FAM177A1: variants seen among roughly 807,000 people sequenced by gnomAD.
FAM177A1 encodes the protein family with sequence similarity 177 member A1, also known as protein FAM177A1.
In FAM177A1, 22 loss-of-function variants were observed where a neutral mutation model predicts 26.1. The ratio of observed to expected loss-of-function variants is 0.84; its 90% CI spans 0.60 to 1.20. The LOEUF (loss-of-function observed/expected upper bound fraction) is 1.20. Ranked by LOEUF, FAM177A1 falls within the 50% of genes most tolerant of loss-of-function variation. The probability of loss-of-function intolerance (pLI) is 0.00; values close to 1 mark genes in which losing one functional copy is unlikely to be tolerated. For synonymous variants in FAM177A1, 95 were observed against 99.3 expected (o/e 0.96, Z 0.26); for missense variants, 296 against 291.1 (o/e 1.02, Z -0.12).
At chr14:35,078,074 T>C (rs1443478684) in intron 3 of FAM177A1, among the ~76,000 whole-genome samples, 1 of 152,202 alleles carries the variant, frequency 6.6e-6, no homozygotes, top group Non-Finnish European at 1.5e-5. Context: ...TTTATCACTT[T>C]CTGCATTTTA....
chr14:35,052,558 A>G (rs993362105), intron 1 of FAM177A1, among the ~76,000 whole-genome samples: 3 of 152,056 alleles, frequency 2.0e-5, no homozygotes, highest in Admixed American at 2.0e-4. Flanking sequence ...GAGGACAATG[A>G]AAAGAAGCTC....
At position 35,078,944 on chromosome 14, in the gene FAM177A1, GAGA is replaced by G; in HGVS notation, c.428_430del (p.Lys143del). 6.5e-7 allele frequency: 1 copy of G among 1,542,474 alleles called. No homozygotes were observed. The highest frequency in any genetic ancestry group is 8.6e-7 in the Non-Finnish European group (1 of 1,157,014). ...ATTTTCAGTGTGTGACTTCCTTGGA[GAGA>G]AGATTGCATCTGTTTTGGGTATCAG... On this transcript the variant is annotated inframe_deletion, in exon 4 of 5. Transcript: ENST00000280987.
chr14:35,064,924 C>G (rs1245599234), intron 2 of FAM177A1, among the ~76,000 whole-genome samples: 1 of 152,110 alleles, frequency 6.6e-6, no homozygotes, highest in Non-Finnish European at 1.5e-5. Flanking sequence ...AGTGCAATCC[C>G]AAAGTGTAAT....
chr14:35,067,874 T>G (rs564671309), intron 2 of FAM177A1, among the ~76,000 whole-genome samples: 55 of 152,344 alleles, frequency 3.6e-4, no homozygotes, highest in Non-Finnish European at 5.6e-4. Flanking sequence ...TTAATTAGGT[T>G]GTTTTTTTGC....
chr14:35,068,235 A>G (rs2045268422), intron 2 of FAM177A1, among the ~76,000 whole-genome samples: 2 of 152,234 alleles, frequency 1.3e-5, no homozygotes, highest in African/African-American at 2.4e-5. Flanking sequence ...AATCTTTTAC[A>G]TGGTGGAGTA....
intron 2 of FAM177A1, among the ~76,000 whole-genome samples, chr14:35,062,590 T>C (rs965104243): frequency 6.6e-6 from 1 of 152,128 alleles, no homozygotes; most frequent in Non-Finnish European, 1.5e-5. Context: ...CACCTACCTG[T>C]AGTTGTTTTT....
intron 3 of FAM177A1, 38 bp from the exon 4 acceptor site, chr14:35,078,889 A>G (rs2045436635): frequency 1.4e-6 from 2 of 1,413,118 alleles, no homozygotes; most frequent in South Asian, 1.6e-5. Flanking sequence ...AGAAATGTTT[A>G]TAGAATTATA....
chr14:35,063,721 T>C (rs376885580), intron 2 of FAM177A1, among the ~76,000 whole-genome samples: 3 of 152,260 alleles, frequency 2.0e-5, no homozygotes, highest in South Asian at 4.1e-4. Flanking sequence ...TTTTGAAATA[T>C]CAAGTTTAAA....
intron 2 of FAM177A1, among the ~76,000 whole-genome samples, chr14:35,058,127 G>T (rs1023044784): frequency 1.3e-5 from 2 of 152,018 alleles, no homozygotes; most frequent in Non-Finnish European, 2.9e-5. Flanking sequence ...AGGCTGGAGT[G>T]CAGTGACACG....
chr14:35,080,914 T>G, intron 4 of FAM177A1, 108 bp from the exon 5 acceptor site: 12 of 501,668 alleles, frequency 2.4e-5, no homozygotes, highest in Non-Finnish European at 3.3e-5. Flanking sequence ...ACATGACACT[T>G]TTTTTTTTTT....
At chr14:35,052,430 C>T (rs964762596) in intron 1 of FAM177A1, among the ~76,000 whole-genome samples, 3 of 151,956 alleles carry the variant, frequency 2.0e-5, no homozygotes, top group East Asian at 3.9e-4. Flanking sequence ...ACCGTGGTCT[C>T]GATCTCCTGA....
chr14:35,070,358 C>T (rs938437114), intron 2 of FAM177A1, among the ~76,000 whole-genome samples: 1 of 149,332 alleles, frequency 6.7e-6, no homozygotes, highest in Non-Finnish European at 1.5e-5. Flanking sequence ...GCGTCGGAGT[C>T]TCGCTCTGTC....
intron 2 of FAM177A1, among the ~76,000 whole-genome samples, chr14:35,063,983 G>T (rs750638156): frequency 4.8e-5 from 7 of 145,294 alleles, no homozygotes; most frequent in Non-Finnish European, 1.0e-4. Context: ...AGGAGGCAGA[G>T]ATTGCAGTGA....
intron 2 of FAM177A1, among the ~76,000 whole-genome samples, chr14:35,058,144 G>A (rs1430055037): frequency 6.6e-6 from 1 of 152,046 alleles, no homozygotes; most frequent in East Asian, 1.9e-4. Context: ...CACGATTTCA[G>A]CTCACTGCAA....
chr14:35,055,945 C>T (rs1490165346), intron 2 of FAM177A1, among the ~76,000 whole-genome samples: 5 of 151,456 alleles, frequency 3.3e-5, no homozygotes, highest in African/African-American at 1.2e-4. Flanking sequence ...TTTTGATTTA[C>T]ATTCCCTTGA....
chr14:35,047,768 A>G (rs1260329909), intron 1 of FAM177A1, among the ~76,000 whole-genome samples: 1 of 130,524 alleles, frequency 7.7e-6, no homozygotes, highest in Non-Finnish European at 1.7e-5. Context: ...CAACAACAAC[A>G]ACAACAACAA....
At chr14:35,056,997 C>T (rs533770897) in intron 2 of FAM177A1, among the ~76,000 whole-genome samples, 4 of 152,210 alleles carry the variant, frequency 2.6e-5, no homozygotes, top group South Asian at 2.1e-4. Flanking sequence ...TGGTCTTTCA[C>T]GAGAACCACC....
At chr14:35,070,369 G>T (rs941707052) in intron 2 of FAM177A1, among the ~76,000 whole-genome samples, 2 of 149,626 alleles carry the variant, frequency 1.3e-5, no homozygotes, top group Non-Finnish European at 3.0e-5. Context: ...TCGCTCTGTC[G>T]TCCAGGCTGG....
intron 1 of FAM177A1, chr14:35,050,223 G>A (rs2044942538): frequency 6.6e-6 from 1 of 151,978 alleles, no homozygotes; most frequent in South Asian, 2.1e-4. Context: ...TAGCCAGGGT[G>A]GTCTCACACC....
Sources: gnomAD v4.1 joint callset for allele counts (sites outside exome capture counted in the v4.1 genomes callset) on GRCh38, gnomAD v4.1.1 for gene constraint, MANE v1.5 for transcripts, NCBI Gene and HGNC (gene_info 2026-07-23, HGNC 2026-07-21) for gene names.